TFEC: variants seen among roughly 807,000 people sequenced by gnomAD.
TFEC encodes class E basic helix-loop-helix protein 34.
TFEC carries 31 observed loss-of-function variants against 41.6 expected under a neutral mutation model. The observed-to-expected ratio is 0.74, with a 90% CI of 0.56 to 1.01. The LOEUF is 1.01. TFEC is among the 50% of genes least tolerant of loss of function. The probability of loss-of-function intolerance (pLI) is 0.00; values close to 1 mark genes in which losing one functional copy is unlikely to be tolerated. For synonymous variants in TFEC, 143 were observed against 140.6 expected (o/e 1.02, Z -0.12); for missense variants, 402 against 404.1 (o/e 0.99, Z 0.04).
At chr7:116,133,555 A>T (rs1000284418) in intron 1 of TFEC, among the ~76,000 whole-genome samples, 4 of 151,452 alleles carry the variant, frequency 2.6e-5, no homozygotes, top group Admixed American at 6.6e-5. Flanking sequence ...AAAAAAAAGT[A>T]GGGGGATGGG....
chr7:116,127,109 T>G (rs1562979217), intron 1 of TFEC, among the ~76,000 whole-genome samples: 6 of 151,214 alleles, frequency 4.0e-5, no homozygotes, highest in Non-Finnish European at 8.9e-5. Context: ...TTTTGTTTTT[T>G]GTTTTTGAGA....
intron 2 of TFEC, among the ~76,000 whole-genome samples, chr7:115,979,500 G>A (rs1357366661): frequency 6.6e-6 from 1 of 152,024 alleles, no homozygotes; most frequent in Non-Finnish European, 1.5e-5. Context: ...AGATTATATA[G>A]GATGTGCAGT....
intron 3 of TFEC, among the ~76,000 whole-genome samples, chr7:115,963,485 C>A (rs921310944): frequency 1.3e-5 from 2 of 151,600 alleles, no homozygotes; most frequent in Non-Finnish European, 3.0e-5. Flanking sequence ...TAATTGTACA[C>A]CAGTATTCAT....
At chr7:115,948,269 A>G (rs1791718471) in intron 6 of TFEC, among the ~76,000 whole-genome samples, 1 of 151,800 alleles carries the variant, frequency 6.6e-6, no homozygotes, top group Non-Finnish European at 1.5e-5. Flanking sequence ...TACCAGAGGT[A>G]CAAGGAGGAA....
upstream of TFEC, among the ~76,000 whole-genome samples, chr7:116,033,011 A>G (rs945145124): frequency 2.6e-5 from 4 of 152,082 alleles, no homozygotes; most frequent in Non-Finnish European, 4.4e-5. Context: ...TAAATAACTG[A>G]TATAATTTAA....
chr7:116,035,404 T>C (rs1177028532), upstream of TFEC, among the ~76,000 whole-genome samples: 1 of 152,094 alleles, frequency 6.6e-6, no homozygotes, highest in African/African-American at 2.4e-5. Flanking sequence ...GGCTCTTGTG[T>C]GTATGTGTAT....
At chr7:116,103,759 G>C (rs1797656857) in intron 3 of TFEC, among the ~76,000 whole-genome samples, 1 of 152,146 alleles carries the variant, frequency 6.6e-6, no homozygotes, top group East Asian at 1.9e-4. Context: ...AATGAGGAGA[G>C]CAGTTTGCCA....
chr7:115,945,765 T>G (rs913982606), intron 6 of TFEC, among the ~76,000 whole-genome samples: 1 of 151,794 alleles, frequency 6.6e-6, no homozygotes, highest in East Asian at 2.0e-4. Context: ...TTCCCAATTC[T>G]GGTCTATCAT....
At chr7:115,954,362 G>A (rs745696113) in intron 5 of TFEC, among the ~76,000 whole-genome samples, 2 of 152,024 alleles carry the variant, frequency 1.3e-5, no homozygotes, top group Non-Finnish European at 2.9e-5. Context: ...CTCCTTGGAA[G>A]TGAATGATCA....
intron 1 of TFEC, among the ~76,000 whole-genome samples, chr7:116,010,214 G>A (rs1258435495): frequency 2.6e-5 from 4 of 152,128 alleles, no homozygotes; most frequent in Non-Finnish European, 5.9e-5. Flanking sequence ...CTATATAAAG[G>A]TGTCTTATTT....
chr7:115,958,438 G>T (rs1015380252), intron 3 of TFEC, among the ~76,000 whole-genome samples: 3 of 151,774 alleles, frequency 2.0e-5, no homozygotes, highest in African/African-American at 4.8e-5. Flanking sequence ...AAGCATAATG[G>T]ACACGTTGAA....
intron 3 of TFEC, among the ~76,000 whole-genome samples, chr7:116,109,702 T>C (rs1466933009): frequency 6.6e-6 from 1 of 152,210 alleles, no homozygotes; most frequent in Non-Finnish European, 1.5e-5. Context: ...AAATACCATT[T>C]GGCCCAGCCA....
In TFEC at chr7:116,053,427, A is replaced by C. The variant is rs147716940; in HGVS notation, c.198+57281T>G. The stretch of plus-strand genomic sequence containing the variant: ...GATAATAATGCTGCTGCTGCTGCTG[A>C]TGATGACAAAAGCTAGCCTTATAGT... On this transcript the variant is annotated intron_variant, in intron 3 of 8. Coordinates refer to the TFEC transcript ENST00000484212. Among the ~76,000 whole-genome samples the C allele has an allele frequency of 4.2e-3, 633 of 152,036 alleles. 5 individuals are homozygous for C. Among genetic ancestry groups the C allele is most frequent in the African/African-American group, 0.014 (584 of 41,474 alleles).
intron 1 of TFEC, among the ~76,000 whole-genome samples, chr7:116,141,316 T>C (rs1798536339): frequency 6.6e-6 from 1 of 151,990 alleles, no homozygotes; most frequent in African/African-American, 2.4e-5. Context: ...GTTAATGTCA[T>C]AAATAATAAA....
intron 3 of TFEC, among the ~76,000 whole-genome samples, chr7:116,091,985 A>G (rs976078489): frequency 1.3e-5 from 2 of 152,196 alleles, no homozygotes; most frequent in Non-Finnish European, 1.5e-5. Flanking sequence ...CTTAATGCCA[A>G]CTTTAGCCCA....
intron 3 of TFEC, among the ~76,000 whole-genome samples, chr7:116,047,362 C>G (rs757049555): frequency 6.6e-6 from 1 of 152,174 alleles, no homozygotes; most frequent in Non-Finnish European, 1.5e-5. Context: ...TATCCTGCAC[C>G]TGGCTCGGAG....
chr7:116,108,125 A>G (rs1797762740), intron 3 of TFEC, among the ~76,000 whole-genome samples: 1 of 152,178 alleles, frequency 6.6e-6, no homozygotes, highest in South Asian at 2.1e-4. Flanking sequence ...AAATAGAAAA[A>G]TGTAATGAAG....
Position 115,941,747 on chromosome 7 carries a change from C to T in TFEC, c.663+146G>A, listed in dbSNP as rs540863191. The T allele has an allele frequency of 3.2e-5, 35 of 1,084,042 alleles. No individual in the cohort carries two copies. The South Asian group carries it at 4.0e-4, about 12-fold the overall frequency. The allele number at this position is 1,084,042 out of a possible 1,614,324, so 67.2% of individuals were successfully genotyped here. The stretch of plus-strand genomic sequence containing the variant: ...ATCCTAATTGAAACAACCCAATTCA[C>T]GAACTTCTAAAAAGCAGTAAAATTA... On this transcript the variant is annotated intron_variant, in intron 7 of 7. Transcript: ENST00000265440.
chr7:116,142,655 A>G (rs76706831), intron 1 of TFEC, among the ~76,000 whole-genome samples: 2,561 of 152,226 alleles, frequency 0.017, 74 homozygotes, highest in African/African-American at 0.059. Context: ...ATGTGCCCAG[A>G]GGGTCAAAGA....
Sources: allele counts gnomAD v4.1 joint callset (sites outside exome capture counted in the v4.1 genomes callset), GRCh38; gene constraint gnomAD v4.1.1; transcripts MANE v1.5; gene names NCBI Gene and HGNC (gene_info 2026-07-23, HGNC 2026-07-21).